Variants in BST1 observed in about 807,000 individuals in gnomAD.
The protein encoded by BST1 is ADP-ribosyl cyclase/cyclic ADP-ribose hydrolase 2.
BST1 carries 49 observed loss-of-function variants against 40.6 expected under a neutral mutation model. That is an observed-to-expected ratio of 1.21 (90% CI 0.96 to 1.53). The LOEUF (loss-of-function observed/expected upper bound fraction) is 1.53. Ranked by LOEUF, BST1 falls within the 40% of genes most tolerant of loss-of-function variation. BST1 has a pLI of 0.00. For synonymous variants in BST1, 157 were observed against 159.3 expected (o/e 0.99, Z 0.11); for missense variants, 423 against 395.9 (o/e 1.07, Z -0.58).
intron 8 of BST1, among the ~76,000 whole-genome samples, chr4:15,730,761 A>G (rs957721124): frequency 3.3e-5 from 5 of 152,206 alleles, no homozygotes; most frequent in Non-Finnish European, 7.3e-5. Flanking sequence ...CAGGTTCAGC[A>G]TGCATGTGTT....
At chr4:15,715,391 A>G (rs756151563) in intron 5 of BST1, 30 bp downstream of exon 5, 3 of 1,593,132 alleles carry the variant, frequency 1.9e-6, no homozygotes, top group Non-Finnish European at 2.6e-6. Context: ...CAAACACAAG[A>G]GAGAATGCCA....
the BST1 span, among the ~76,000 whole-genome samples, chr4:15,749,907 T>A: frequency 1.6e-4 from 24 of 151,716 alleles, no homozygotes; most frequent in Non-Finnish European, 2.2e-4. Context: ...TATTGTGTTA[T>A]CAAACAGTAG....
chr4:15,716,180 T>G (rs892460247), intron 6 of BST1, among the ~76,000 whole-genome samples: 2 of 152,180 alleles, frequency 1.3e-5, no homozygotes, highest in East Asian at 3.8e-4. Context: ...ACTCTATAAT[T>G]AAGACGTCAT....
chr4:15,703,457 G>A, intron 1 of BST1, 125 bp downstream of exon 1: 1 of 1,398,624 alleles, frequency 7.1e-7, no homozygotes, highest in African/African-American at 1.5e-5. Context: ...GAGGGGAGAG[G>A]TGAGTGTGGA....
At chr4:15,770,470 C>T in the BST1 span, among the ~76,000 whole-genome samples, 3 of 152,086 alleles carry the variant, frequency 2.0e-5, no homozygotes, top group Non-Finnish European at 4.4e-5. Context: ...TTTGGGAGGC[C>T]GAGGCGGGTG....
the BST1 span, among the ~76,000 whole-genome samples, chr4:15,746,472 C>T: frequency 6.6e-6 from 1 of 152,208 alleles, no homozygotes; most frequent in African/African-American, 2.4e-5. Flanking sequence ...CATTCCATGG[C>T]AGAAGGCATA....
intron 3 of BST1, among the ~76,000 whole-genome samples, chr4:15,709,537 G>A (rs915465616): frequency 2.0e-5 from 3 of 152,190 alleles, no homozygotes; most frequent in South Asian, 2.1e-4. Flanking sequence ...GCTGCAGAGG[G>A]TGGGGAGAAG....
At chr4:15,757,379 C>T in the BST1 span, among the ~76,000 whole-genome samples, 1 of 152,166 alleles carries the variant, frequency 6.6e-6, no homozygotes, top group East Asian at 1.9e-4. Flanking sequence ...GTTCTCCCTG[C>T]ACGAACTGCA....
chr4:15,751,802 T>C, the BST1 span, among the ~76,000 whole-genome samples: 21 of 152,212 alleles, frequency 1.4e-4, no homozygotes, highest in African/African-American at 4.8e-4. Context: ...TATATAAATA[T>C]ACACTGTAGT....
At chr4:15,719,016 T>C in intron 7 of BST1, 23 bp downstream of exon 7, 1 of 1,604,650 alleles carries the variant, frequency 6.2e-7, no homozygotes. Context: ...TATATCAATG[T>C]GCTCTTGTAG....
the BST1 span, among the ~76,000 whole-genome samples, chr4:15,745,342 C>G: frequency 6.6e-6 from 1 of 152,156 alleles, no homozygotes; most frequent in African/African-American, 2.4e-5. Context: ...AACTATTACT[C>G]TGATTACATT....
intron 1 of BST1, 57 bp downstream of exon 1, chr4:15,703,389 C>T: frequency 2.1e-6 from 3 of 1,423,974 alleles, no homozygotes; most frequent in Admixed American, 3.0e-5. Context: ...TGGGGAGGGC[C>T]TGGGGAGGGG....
the BST1 span, chr4:15,743,393 T>C: frequency 3.4e-6 from 1 of 291,756 alleles, no homozygotes; most frequent in Non-Finnish European, 6.8e-6. Context: ...CTGTAGGATA[T>C]ATGTATGAAG....
In BST1 at chr4:15,722,047, T is replaced by G. The variant is rs539247096; in HGVS notation, c.792-828T>G. Among the ~76,000 whole-genome samples the G allele has an allele frequency of 1.2e-4, 18 of 152,312 alleles. No individual in the cohort carries two copies. In the South Asian group the frequency reaches 3.5e-3, roughly 30 times the overall value. On this transcript the variant is annotated intron_variant, in intron 7 of 8. Coordinates refer to ENST00000265016, the MANE Select transcript of BST1 (RefSeq NM_004334.3). ...CCTTCCCCTCCTGGTGGCTTGGAACTTCACATCTTCTCCCTCTGTTGTGCA... is the reference window on the plus strand; with the variant it reads ...CCTTCCCCTCCTGGTGGCTTGGAACGTCACATCTTCTCCCTCTGTTGTGCA...
In BST1 at chr4:15,732,102, C is replaced by A. The variant is rs1162916253; in HGVS notation, c.*257C>A. 1.7e-6 allele frequency: 2 copies of A among 1,199,974 alleles called. No individual in the cohort carries two copies. The highest frequency in any genetic ancestry group is 1.6e-5 in the African/African-American group (1 of 63,580). 74.3% of individuals were successfully genotyped at this position (1,199,974 alleles called of 1,614,324 possible). A position where few individuals can be genotyped will look rare whatever the true frequency, so the allele number is the denominator to read the frequency against. ...TTCTTATTTGTATAATGACACAAAG[C>A]ATTGGGAGTCAGACTGCTTGTATAT... On this transcript the variant is annotated 3_prime_UTR_variant, in exon 9 of 9. Coordinates refer to ENST00000265016, the MANE Select transcript of BST1 (RefSeq NM_004334.3).
At chr4:15,715,834 C>T in intron 6 of BST1, 35 bp downstream of exon 6, 1 of 1,438,878 alleles carries the variant, frequency 6.9e-7, no homozygotes, top group Non-Finnish European at 9.4e-7. Context: ...GATAATTGCA[C>T]AAGTTTGTTT....
At chr4:15,748,528 C>T in the BST1 span, among the ~76,000 whole-genome samples, 1 of 152,184 alleles carries the variant, frequency 6.6e-6, no homozygotes, top group Non-Finnish European at 1.5e-5. Flanking sequence ...CTTACTCTCT[C>T]CCCACAAAGG....
chr4:15,730,397 C>A (rs770349639), intron 8 of BST1, among the ~76,000 whole-genome samples: 4 of 152,198 alleles, frequency 2.6e-5, no homozygotes, highest in Non-Finnish European at 5.9e-5. Flanking sequence ...CATGTCAGGA[C>A]AGGTTTTTCT....
intron 8 of BST1, chr4:15,723,781 A>G (rs749842423): frequency 1.0e-5 from 3 of 296,070 alleles, no homozygotes; most frequent in Non-Finnish European, 1.5e-5. Context: ...TATGTTTCAA[A>G]AAGGCTGTGC....
Sources: allele counts gnomAD v4.1 joint callset (sites outside exome capture counted in the v4.1 genomes callset), GRCh38; gene constraint gnomAD v4.1.1; transcripts MANE v1.5; gene names NCBI Gene and HGNC (gene_info 2026-07-23, HGNC 2026-07-21).